The following MCM3AP variants were observed in gnomAD, a reference collection of about 807,000 sequenced individuals.
MCM3AP encodes the protein germinal-center associated nuclear protein.
In MCM3AP, 126 loss-of-function variants were observed where a neutral mutation model predicts 184.1. The ratio of observed to expected loss-of-function variants is 0.68; its 90% CI spans 0.59 to 0.79. MCM3AP has a LOEUF of 0.79. Among genes scored for constraint, MCM3AP ranks in the 30% least tolerant of loss-of-function variants. The probability of loss-of-function intolerance (pLI) is 0.00; values close to 1 mark genes in which losing one functional copy is unlikely to be tolerated. For missense variants in MCM3AP, 2,496 were observed against 2,479.2 expected, an observed-to-expected ratio of 1.01 and a Z score of -0.14; for synonymous variants, 1,002 against 979.3, an observed-to-expected ratio of 1.02 and a Z score of -0.43.
At chr21:46,265,832 C>A in intron 11 of MCM3AP, 93 bp downstream of exon 11, 2 of 1,452,920 alleles carry the variant, frequency 1.4e-6, no homozygotes, top group Non-Finnish European at 1.8e-6. Context: ...TGGGAGGCGT[C>A]CTGGCGAGAA....
chr21:46,262,219 A>G (rs1430114334), intron 13 of MCM3AP, among the ~76,000 whole-genome samples: 1 of 152,228 alleles, frequency 6.6e-6, no homozygotes, highest in Non-Finnish European at 1.5e-5. Context: ...AAATTCTATT[A>G]AACACTAACG....
At chr21:46,256,626 T>C in intron 17 of MCM3AP, 163 bp downstream of exon 17, 1 of 853,834 alleles carries the variant, frequency 1.2e-6, no homozygotes, top group Non-Finnish European at 1.8e-6. Flanking sequence ...GAGACAACCT[T>C]CAAAATGCAA....
intron 4 of MCM3AP, among the ~76,000 whole-genome samples, chr21:46,279,366 C>T (rs888651976): frequency 2.0e-5 from 3 of 152,210 alleles, no homozygotes; most frequent in Non-Finnish European, 4.4e-5. Context: ...ATTTATATGT[C>T]AAGTGGAACT....
chr21:46,243,006 C>CAA lies in MCM3AP; in HGVS notation c.5297-77_5297-76dup, dbSNP rs1162561207. ...GTCTCAAAAAAAAAAAAAACACACACAAAAAAACAAAAACAGGTACAAATA... is the reference window on the plus strand; with the variant it reads ...GTCTCAAAAAAAAAAAAAACACACACAAAAAAAAACAAAAACAGGTACAAATA... On this transcript the variant is annotated intron_variant, in intron 24 of 27. Transcript: ENST00000291688. The CAA allele has an allele frequency of 1.1e-5, 14 of 1,250,842 alleles. 1 individual carries two copies. The highest frequency in any genetic ancestry group is 1.5e-5 in the Non-Finnish European group (14 of 918,218). The allele number at this position is 1,250,842 out of a possible 1,614,324, so 77.5% of individuals were successfully genotyped here.
At position 46,245,056 on chromosome 21, in the gene MCM3AP, G is replaced by C. The variant is rs2123827847; in HGVS notation, c.4789C>G (p.Leu1597Val). 4 of 1,614,246 alleles carry C rather than the reference G, an allele frequency of 2.5e-6. No homozygotes were observed. Among genetic ancestry groups the C allele is most frequent in the Non-Finnish European group, 2.5e-6 (3 of 1,180,046 alleles). ...GGCTCCTGAGAAGCAAGACCGCCCA[G>C]ACGCCTCTCTCTTCTGTCATGGAAA... ...RFFHDRRERR[L>V]GGLASQEPGA... is the part of the protein sequence containing the mutation. The change falls in exon 23 of 28, where the codon CTG (leucine) becomes GTG (valine). Residue 1597 changes from leucine (L) to valine (V), a missense_variant. This residue lies in a region of MCM3AP where 1,323 missense variants were observed against 1,273.4 expected (regional missense o/e 1.04). Coordinates refer to ENST00000291688, the MANE Select transcript of MCM3AP (RefSeq NM_003906.5).
chr21:46,257,474 CAAAA>C (rs369556689), intron 16 of MCM3AP, among the ~76,000 whole-genome samples: 13 of 49,344 alleles, frequency 2.6e-4, no homozygotes, highest in African/African-American at 8.3e-4. Flanking sequence ...GGCTCCGTCT[CAAAA>C]AAAAAAAAAA....
At chr21:46,240,268 G>A (rs1458650493) in intron 26 of MCM3AP, among the ~76,000 whole-genome samples, 1 of 152,192 alleles carries the variant, frequency 6.6e-6, no homozygotes, top group East Asian at 1.9e-4. Context: ...GATGCTGGAT[G>A]TGGCTGGGAG....
intron 16 of MCM3AP, 147 bp from the exon 17 acceptor site, chr21:46,257,133 C>G: frequency 8.6e-7 from 1 of 1,165,612 alleles, no homozygotes; most frequent in Non-Finnish European, 1.2e-6. Context: ...ACAGTTAATA[C>G]TGAATGAGCT....
intron 26 of MCM3AP, among the ~76,000 whole-genome samples, chr21:46,239,623 A>G (rs777908858): frequency 1.3e-5 from 2 of 152,214 alleles, no homozygotes; most frequent in South Asian, 4.1e-4. Context: ...CAGACATCCA[A>G]TAGGTGTCTA....
rs1289993612 is a variant in MCM3AP at position 46,241,003 on chromosome 21, G to T, written c.5441C>A (p.Pro1814His). 3.7e-6 allele frequency: 6 copies of T among 1,612,870 alleles called. No individual in the cohort carries two copies. The highest frequency in any genetic ancestry group is 5.1e-6 in the Non-Finnish European group (6 of 1,179,446). ...AAAATTGTTTGCAGAAGGATGAAAA[G>T]GCTTTATTGCCAAACTGTAAGTACA... ...QLREGRLAIKPFHPSANNFPI... is the reference protein window; with the variant it reads ...QLREGRLAIKHFHPSANNFPI... Residue 1814 changes from proline to histidine, a missense_variant, in exon 26 of 28, where the codon CCT (proline) becomes CAT (histidine). Pro to His is a moderately conservative substitution (Grantham distance 77). Transcript: ENST00000291688.
intron 26 of MCM3AP, among the ~76,000 whole-genome samples, chr21:46,239,147 T>C (rs536790394): frequency 6.6e-6 from 1 of 152,298 alleles, no homozygotes; most frequent in East Asian, 1.9e-4. Flanking sequence ...CTGCCTACCA[T>C]GCTCAAGGAA....
intron 14 of MCM3AP, 128 bp from the exon 15 acceptor site, chr21:46,261,034 C>G: frequency 2.4e-6 from 2 of 836,386 alleles, no homozygotes; most frequent in Non-Finnish European, 3.8e-6. Flanking sequence ...CACCCCTACT[C>G]CAGCTCCCCT....
intron 13 of MCM3AP, 31 bp downstream of exon 13, chr21:46,264,086 T>C (rs1402784446): frequency 2.0e-6 from 3 of 1,505,092 alleles, no homozygotes; most frequent in East Asian, 2.3e-5. Flanking sequence ...CCGCAGCACG[T>C]AGCAGGAGGG....
In MCM3AP at chr21:46,280,528, G is replaced by T. The variant is rs373610291; in HGVS notation, c.1491C>A (p.Asp497Glu). The T allele has an allele frequency of 3.1e-6, 5 of 1,612,616 alleles. No individual in the cohort carries two copies. Among genetic ancestry groups the T allele is most frequent in the Non-Finnish European group, 4.2e-6 (5 of 1,179,048 alleles). The change falls in exon 3 of 28, where the codon GAC becomes GAA. Residue 497 changes from aspartate to glutamate, a missense_variant. By Grantham distance (45) the Asp-to-Glu change is conservative. Coordinates refer to ENST00000291688, the MANE Select transcript of MCM3AP (RefSeq NM_003906.5). ...TCTTCCTGTGCCAAAAGATAGCCATGTCTTTATGCAAACTTTTCCCCTTCT... is the reference window on the plus strand; with the variant it reads ...TCTTCCTGTGCCAAAAGATAGCCATTTCTTTATGCAAACTTTTCCCCTTCT... Reference protein sequence around the residue: ...ARKKGKSLHKDMAIFWHRKKI... With the variant: ...ARKKGKSLHKEMAIFWHRKKI...
rs1263405215 is a variant in MCM3AP at position 46,270,381 on chromosome 21, A to G, written c.2628+20T>C. ...CCACCTGCTTTCTTCCAACTCTGCA[A>G]GCACAGCTCATTTACTCACCTGACT... On this transcript the variant is annotated intron_variant, in intron 9 of 27. Transcript: ENST00000291688. The G allele has an allele frequency of 6.3e-7, 1 of 1,598,418 alleles. No homozygotes were observed. Among genetic ancestry groups the G allele is most frequent in the Non-Finnish European group, 8.5e-7 (1 of 1,173,436 alleles).
In MCM3AP at chr21:46,245,161, G is replaced by A. The variant is rs1490153534; in HGVS notation, c.4684C>T (p.Pro1562Ser). 6.2e-7 allele frequency: 1 copy of A among 1,613,742 alleles called. No individual in the cohort carries two copies. Among genetic ancestry groups the A allele is most frequent in the Non-Finnish European group, 8.5e-7 (1 of 1,179,858 alleles). ...TGGCAGCAGAGGTCAAGGGAATGGG[G>A]GCAGTGGGAAACCAGCCACTGCACT... ...QAVQWLVSHC[P>S]HSLDLCCQTL... Residue 1562 changes from proline (P) to serine (S), a missense_variant, in exon 23 of 28, where the codon CCC becomes TCC. Transcript: ENST00000291688.
chr21:46,269,348 C>A lies in MCM3AP; in HGVS notation c.2628+1053G>T, dbSNP rs17182774. 1.6e-3 allele frequency among the ~76,000 whole-genome samples: 249 copies of A among 152,230 alleles called. 2 individuals are homozygous for A. The highest frequency in any genetic ancestry group is 0.012 in the South Asian group (59 of 4,818). On this transcript the variant is annotated intron_variant, in intron 9 of 27. Transcript: ENST00000291688. Reference sequence around the variant, plus strand: ...CCCAGGCTGGCCTTGAACTCCTGAGCTCAAGCAATTTTCCCACCTCCCAAG... The same window carrying A: ...CCCAGGCTGGCCTTGAACTCCTGAGATCAAGCAATTTTCCCACCTCCCAAG...
At chr21:46,268,468 A>T (rs1029724108) in intron 9 of MCM3AP, among the ~76,000 whole-genome samples, 1 of 152,342 alleles carries the variant, frequency 6.6e-6, no homozygotes, top group South Asian at 2.1e-4. Flanking sequence ...AAACAAACAC[A>T]TCAAACACAC....
chr21:46,283,668 G>A lies in MCM3AP; in HGVS notation c.1390C>T (p.Arg464Cys), dbSNP rs1165038217. Residue 464 changes from arginine (R) to cysteine (C), a missense_variant, in exon 2 of 28, where the codon CGC becomes TGC. Arg to Cys is a radical substitution (Grantham distance 180). This residue lies in a region of MCM3AP where 800 missense variants were observed against 717.1 expected (regional missense o/e 1.12). Coordinates refer to ENST00000291688, the MANE Select transcript of MCM3AP (RefSeq NM_003906.5). ...TTTTTGCTGCGCCTGGTAAAGATGC[G>A]CTGCACTTTAGCAATTTTGCCAAAA... ...NHFGKIAKVQ[R>C]IFTRRSKKLA... 3.7e-6 allele frequency: 6 copies of A among 1,614,074 alleles called. No homozygotes were observed. The highest frequency in any genetic ancestry group is 4.5e-5 in the East Asian group (2 of 44,884).
Sources: gnomAD v4.1 joint callset for allele counts (sites outside exome capture counted in the v4.1 genomes callset) on GRCh38, gnomAD v4.1.1 for gene constraint, gnomAD v4.1.1 regional missense constraint, MANE v1.5 for transcripts, NCBI Gene and HGNC (gene_info 2026-07-23, HGNC 2026-07-21) for gene names.